Variants in CFAP54 observed in about 807,000 individuals in gnomAD.
CFAP54 encodes the protein cilia- and flagella-associated protein 54.
In CFAP54, 290 loss-of-function variants were observed where a neutral mutation model predicts 370.4. The ratio of observed to expected loss-of-function variants is 0.78; its 90% CI spans 0.71 to 0.86. The LOEUF (loss-of-function observed/expected upper bound fraction) is 0.86, where lower values mean the gene tolerates loss of function less well. CFAP54 is among the 40% of genes least tolerant of loss of function. CFAP54 has a pLI of 0.00. For missense variants in CFAP54, 3,399 were observed against 3,528.7 expected (o/e 0.96, Z 0.93); for synonymous variants, 1,206 against 1,236.5 (o/e 0.98, Z 0.52).
At chr12:96,729,023 ATCGTTCTTCTGGAAGTTTTG>A (rs892821443) in intron 50 of CFAP54, among the ~76,000 whole-genome samples, 1 of 151,998 alleles carries the variant, frequency 6.6e-6, no homozygotes, top group African/African-American at 2.4e-5. Flanking sequence ...CTGCTGTCTG[ATCGTTCTTCTGGAAGTTTTG>A]TCTCAGAGGA....
chr12:96,621,893 T>C, intron 27 of CFAP54, among the ~76,000 whole-genome samples, 172 bp downstream of exon 27: 1 of 135,952 alleles, frequency 7.4e-6, no homozygotes, highest in African/African-American at 2.7e-5. Context: ...TTTTTTTTTT[T>C]TTTTTTTTTT....
At chr12:96,671,411 A>G (rs150087538) in intron 39 of CFAP54, among the ~76,000 whole-genome samples, 4 of 152,110 alleles carry the variant, frequency 2.6e-5, no homozygotes, top group Admixed American at 6.5e-5. Context: ...GTGTTTATTG[A>G]TAACTAATCT....
intron 55 of CFAP54, among the ~76,000 whole-genome samples, chr12:96,751,286 A>G (rs1226576303): frequency 6.6e-6 from 1 of 152,160 alleles, no homozygotes; most frequent in Non-Finnish European, 1.5e-5. Context: ...CATACTAGGA[A>G]GCCAGTCCTC....
intron 17 of CFAP54, 33 bp downstream of exon 17, chr12:96,554,835 A>T (rs1955735733): frequency 6.6e-7 from 1 of 1,505,140 alleles, no homozygotes; most frequent in Non-Finnish European, 8.9e-7. Flanking sequence ...ACCATTCTGA[A>T]TCAATTTTAA....
chr12:96,668,909 T>C (rs1207638330), intron 39 of CFAP54, among the ~76,000 whole-genome samples: 1 of 152,204 alleles, frequency 6.6e-6, no homozygotes, highest in African/African-American at 2.4e-5. Context: ...AGTCAGCTAG[T>C]CATTCAGCAA....
At chr12:96,864,437 C>G (rs1959954564) in intron 67 of CFAP54, among the ~76,000 whole-genome samples, 1 of 152,170 alleles carries the variant, frequency 6.6e-6, no homozygotes. Context: ...ATGCAGTGGT[C>G]TTGGTTCACT....
chr12:96,541,448 G>T (rs1478107490), intron 14 of CFAP54, among the ~76,000 whole-genome samples: 1 of 152,002 alleles, frequency 6.6e-6, no homozygotes, highest in African/African-American at 2.4e-5. Flanking sequence ...ACCATGCCTG[G>T]CTAATTTTTG....
intron 26 of CFAP54, among the ~76,000 whole-genome samples, chr12:96,601,877 A>G (rs1320177183): frequency 6.6e-6 from 1 of 152,048 alleles, no homozygotes; most frequent in East Asian, 1.9e-4. Context: ...CTAGCAGTCT[A>G]TCAATTCTGT....
chr12:96,664,168 T>C (rs1957029449), intron 39 of CFAP54, among the ~76,000 whole-genome samples: 2 of 152,174 alleles, frequency 1.3e-5, no homozygotes, highest in Admixed American at 6.5e-5. Flanking sequence ...CAGGGGTCCA[T>C]GTGCAGGTTT....
intron 67 of CFAP54, among the ~76,000 whole-genome samples, chr12:96,862,498 C>T (rs140696397): frequency 4.0e-4 from 60 of 151,880 alleles, no homozygotes; most frequent in African/African-American, 1.3e-3. Context: ...GACACTAGTA[C>T]GCATTTAATA....
intron 17 of CFAP54, among the ~76,000 whole-genome samples, chr12:96,561,704 T>TACACAC (rs56098924): frequency 4.4e-4 from 55 of 125,374 alleles, no homozygotes; most frequent in African/African-American, 1.4e-3. Context: ...AGCTAAGAAA[T>TACACAC]ACACACACAC....
chr12:96,672,156 C>T (rs1469696333), intron 39 of CFAP54, among the ~76,000 whole-genome samples: 4 of 151,736 alleles, frequency 2.6e-5, no homozygotes, highest in African/African-American at 9.7e-5. Context: ...TACATATTAA[C>T]TAGAAAAAGC....
At chr12:96,680,370 A>C (rs902644012) in intron 40 of CFAP54, among the ~76,000 whole-genome samples, 1 of 152,174 alleles carries the variant, frequency 6.6e-6, no homozygotes, top group Non-Finnish European at 1.5e-5. Flanking sequence ...AGTACATTCA[A>C]ATTTAGGCTG....
At chr12:96,651,894 G>GT (rs11314540) in intron 36 of CFAP54, 79 bp downstream of exon 36, 84,886 of 680,058 alleles carry the variant, frequency 0.12, 2,615 homozygotes, top group East Asian at 0.4. Context: ...AGTAGAAACT[G>GT]TTTTTTTTTT....
intron 43 of CFAP54, among the ~76,000 whole-genome samples, chr12:96,689,438 G>A (rs932845141): frequency 6.6e-6 from 1 of 152,148 alleles, no homozygotes; most frequent in Non-Finnish European, 1.5e-5. Context: ...TGGGATTATA[G>A]GCGTGAGCTA....
At chr12:96,826,753 A>G (rs1254946469) in intron 65 of CFAP54, among the ~76,000 whole-genome samples, 3 of 112,550 alleles carry the variant, frequency 2.7e-5, no homozygotes, top group Non-Finnish European at 4.9e-5. Context: ...TTCTTATATA[A>G]TACATATTAA....
chr12:96,605,823 A>T (rs886475149), intron 26 of CFAP54, among the ~76,000 whole-genome samples: 1 of 152,146 alleles, frequency 6.6e-6, no homozygotes, highest in African/African-American at 2.4e-5. Flanking sequence ...GGATAGGATG[A>T]TTGGGGAAGG....
intron 62 of CFAP54, among the ~76,000 whole-genome samples, chr12:96,789,905 T>C (rs1488807461): frequency 6.6e-6 from 1 of 152,142 alleles, no homozygotes; most frequent in Admixed American, 6.5e-5. Flanking sequence ...TATATACATA[T>C]ATAAACTCCA....
chr12:96,765,777 G>A (rs1429881493), intron 60 of CFAP54, among the ~76,000 whole-genome samples: 1 of 152,120 alleles, frequency 6.6e-6, no homozygotes, highest in Non-Finnish European at 1.5e-5. Context: ...AAAGAAATTA[G>A]CAAAATTTAA....
Sources: gnomAD v4.1 joint callset for allele counts (sites outside exome capture counted in the v4.1 genomes callset) on GRCh38, gnomAD v4.1.1 for gene constraint, MANE v1.5 for transcripts, NCBI Gene and HGNC (gene_info 2026-07-23, HGNC 2026-07-21) for gene names.